The following BIN2 variants were observed in gnomAD, a reference collection of about 807,000 sequenced individuals.
BIN2 encodes bridging integrator 2.
Under a neutral mutation model 67.9 loss-of-function variants are expected in BIN2, and 43 were observed. That is an observed-to-expected ratio of 0.63 (90% CI 0.50 to 0.82). The LOEUF (loss-of-function observed/expected upper bound fraction) is 0.82, where lower values mean the gene tolerates loss of function less well. BIN2 is among the 40% of genes least tolerant of loss of function. The pLI, the probability that BIN2 is intolerant of heterozygous loss-of-function variation, is 0.00. For synonymous variants in BIN2, 244 were observed against 246.8 expected (o/e 0.99, Z 0.11); for missense variants, 581 against 671.6 (o/e 0.87, Z 1.49).
chr12:51,310,656 T>A (rs61172662), intron 2 of BIN2, among the ~76,000 whole-genome samples: 19,979 of 152,258 alleles, frequency 0.13, 1,458 homozygotes, highest in East Asian at 0.24. Context: ...ATTGTGGATA[T>A]ACTTAGATAT....
At chr12:51,308,425 T>A (rs1021588435) in intron 2 of BIN2, among the ~76,000 whole-genome samples, 5 of 152,196 alleles carry the variant, frequency 3.3e-5, no homozygotes, top group African/African-American at 1.2e-4. Context: ...CCTCAGTTAA[T>A]GAACCACTCA....
Position 51,287,401 on chromosome 12 carries a change from C to T in BIN2, c.1596+707G>A, listed in dbSNP as rs552197663. Among the ~76,000 whole-genome samples the T allele has an allele frequency of 4.6e-5, 7 of 151,584 alleles. No homozygotes were observed. The South Asian group carries it at 1.3e-3, about 27-fold the overall frequency. On this transcript the variant is annotated intron_variant, in intron 11 of 12. Transcript: ENST00000615107. Reference sequence around the variant, plus strand: ...AGGCTGGAATGCGATGGCGAGATCTCGGCTCACTGCAACCTCCGCCTTCTG... The same window carrying T: ...AGGCTGGAATGCGATGGCGAGATCTTGGCTCACTGCAACCTCCGCCTTCTG...
At chr12:51,296,772 A>G (rs1009572967) in intron 8 of BIN2, among the ~76,000 whole-genome samples, 7 of 152,104 alleles carry the variant, frequency 4.6e-5, no homozygotes, top group Non-Finnish European at 7.4e-5. Flanking sequence ...CCCCAGCAAC[A>G]ATAGATAGAT....
At chr12:51,284,811 G>T (rs772610274) in intron 11 of BIN2, 24 bp from the exon 12 acceptor site, 20 of 1,580,316 alleles carry the variant, frequency 1.3e-5, no homozygotes, top group Non-Finnish European at 1.7e-5. Flanking sequence ...AGTTCTGCCA[G>T]TAAGAGGTGG....
intron 9 of BIN2, among the ~76,000 whole-genome samples, chr12:51,295,211 C>T (rs1297185553): frequency 6.7e-6 from 1 of 148,554 alleles, no homozygotes; most frequent in African/African-American, 2.5e-5. Flanking sequence ...TCCCAAAGTA[C>T]TGGGATTATA....
At chr12:51,285,493 C>T (rs1016296210) in intron 11 of BIN2, among the ~76,000 whole-genome samples, 6 of 151,876 alleles carry the variant, frequency 4.0e-5, no homozygotes, top group Non-Finnish European at 5.9e-5. Flanking sequence ...GAAAGCCCTG[C>T]CTAGAAACTG....
chr12:51,302,949 G>T, intron 3 of BIN2, 138 bp downstream of exon 3: 1 of 1,180,162 alleles, frequency 8.5e-7, no homozygotes, highest in Non-Finnish European at 1.3e-6. Flanking sequence ...CTCTTCCTCA[G>T]CCCACAAAAT....
intron 10 of BIN2, among the ~76,000 whole-genome samples, chr12:51,288,894 A>G (rs1006186474): frequency 2.0e-5 from 3 of 151,812 alleles, no homozygotes; most frequent in African/African-American, 7.3e-5. Context: ...GGATTACGGC[A>G]CACACCACCA....
At chr12:51,287,199 G>A (rs1296707882) in intron 11 of BIN2, among the ~76,000 whole-genome samples, 1 of 152,086 alleles carries the variant, frequency 6.6e-6, no homozygotes, top group Admixed American at 6.6e-5. Flanking sequence ...GAGTGCAGTG[G>A]CTATTCACAG....
Position 51,284,733 on chromosome 12 carries a change from G to T in BIN2, c.1651C>A (p.Pro551Thr). 1 of 1,612,272 alleles carries T rather than the reference G, an allele frequency of 6.2e-7. No individual in the cohort carries two copies. The highest frequency in any genetic ancestry group is 1.1e-5 in the South Asian group (1 of 91,028). ...MVPENNNLTA[P>T]EPQEEVSTSE... ...GGTCTTACCTCTTCTTGAGGTTCAG[G>T]TGCTGTGAGGTTGTTGTTTTCTGGT... The change falls in exon 12 of 13, where the codon CCT becomes ACT. Residue 551 changes from proline (P) to threonine (T), a missense_variant. Physicochemically the swap from Pro to Thr is conservative, Grantham distance 38. Transcript: ENST00000615107.
In BIN2 at chr12:51,303,144, G is replaced by A. The variant is rs1489611438; in HGVS notation, c.163-3C>T. The A allele has an allele frequency of 1.9e-6, 3 of 1,613,792 alleles. No individual in the cohort carries two copies. The African/African-American group carries it at 4.0e-5, about 22-fold the overall frequency. ...TTGTACAGCTTGTGGCCTTCTGCCT[G>A]AAAGAGAAAAGTACATTTGGTGACT... On this transcript the variant is annotated splice_region_variant and splice_polypyrimidine_tract_variant and intron_variant, in intron 2 of 12. Coordinates refer to ENST00000615107, the MANE Select transcript of BIN2 (RefSeq NM_016293.4).
intron 2 of BIN2, among the ~76,000 whole-genome samples, chr12:51,307,125 A>G (rs1945884504): frequency 6.6e-6 from 1 of 151,796 alleles, no homozygotes; most frequent in Non-Finnish European, 1.5e-5. Context: ...TCTACTAAAA[A>G]CACAAAAATT....
chr12:51,318,085 T>C (rs557448673), intron 1 of BIN2, among the ~76,000 whole-genome samples: 25 of 152,180 alleles, frequency 1.6e-4, no homozygotes, highest in South Asian at 4.2e-4. Context: ...AGGAAAATCA[T>C]AGGAGTACAC....
At chr12:51,322,143 T>C (rs1321753499) in intron 1 of BIN2, among the ~76,000 whole-genome samples, 1 of 143,254 alleles carries the variant, frequency 7.0e-6, no homozygotes, top group Non-Finnish European at 1.6e-5. Flanking sequence ...TGGGAAGTAT[T>C]TGACTCTGAG....
At position 51,303,119 on chromosome 12, in the gene BIN2, T is replaced by C. The variant is rs1216726298; in HGVS notation, c.185A>G (p.Lys62Arg). The C allele has an allele frequency of 6.2e-7, 1 of 1,614,066 alleles. No individual in the cohort carries two copies. Among genetic ancestry groups the C allele is most frequent in the African/African-American group, 1.3e-5 (1 of 74,952 alleles). The change falls in exon 3 of 13, where the codon AAG becomes AGG. Residue 62 changes from lysine (K) to arginine (R), a missense_variant. Transcript: ENST00000615107. ...QQQAEGHKLY[K>R]DLKNFLSAVK... ...TGCACTAAGGAAGTTCTTCAGGTCCTTGTACAGCTTGTGGCCTTCTGCCTG... is the reference window on the plus strand; with the variant it reads ...TGCACTAAGGAAGTTCTTCAGGTCCCTGTACAGCTTGTGGCCTTCTGCCTG...
At chr12:51,292,525 C>A (rs1373617978) in intron 9 of BIN2, among the ~76,000 whole-genome samples, 181 bp from the exon 10 acceptor site, 1 of 152,174 alleles carries the variant, frequency 6.6e-6, no homozygotes, top group Admixed American at 6.6e-5. Flanking sequence ...TTATCTATAT[C>A]ATGAACTCAA....
chr12:51,302,856 G>A, intron 3 of BIN2, 76 bp from the exon 4 acceptor site: 1 of 1,340,418 alleles, frequency 7.5e-7, no homozygotes, highest in South Asian at 1.2e-5. Context: ...TGACAAATCA[G>A]TGGTTCCAAT....
chr12:51,323,507 C>T, intron 1 of BIN2, among the ~76,000 whole-genome samples: 1 of 150,536 alleles, frequency 6.6e-6, no homozygotes, highest in Non-Finnish European at 1.5e-5. Context: ...GAAACACCAC[C>T]CAGAGGCCAG....
chr12:51,285,876 T>C (rs1347301463), intron 11 of BIN2, among the ~76,000 whole-genome samples: 1 of 152,158 alleles, frequency 6.6e-6, no homozygotes, highest in African/African-American at 2.4e-5. Context: ...CCTCCCAAAG[T>C]GTTGGGATTA....
Sources: gnomAD v4.1 joint callset for allele counts (sites outside exome capture counted in the v4.1 genomes callset) on GRCh38, gnomAD v4.1.1 for gene constraint, MANE v1.5 for transcripts, NCBI Gene and HGNC (gene_info 2026-07-23, HGNC 2026-07-21) for gene names.